The following METTL2A variants were observed in gnomAD, a reference collection of about 807,000 sequenced individuals.
The protein encoded by METTL2A is tRNA N(3)-cytidine methyltransferase METTL2A.
A neutral mutation model predicts 49.4 loss-of-function variants in METTL2A; 45 were observed. The observed-to-expected ratio is 0.91, with a 90% CI of 0.72 to 1.17. METTL2A has a LOEUF of 1.17. Among genes scored for constraint, METTL2A ranks in the 50% most tolerant of loss-of-function variants. METTL2A has a pLI of 0.00. For synonymous variants in METTL2A, 118 were observed against 167.5 expected (o/e 0.70, Z 2.28); for missense variants, 361 against 462.2 (o/e 0.78, Z 2.01).
chr17:62,439,270 G>A (rs959008031), intron 5 of METTL2A, among the ~76,000 whole-genome samples: 13 of 150,616 alleles, frequency 8.6e-5, no homozygotes, highest in African/African-American at 2.9e-4. Context: ...CATGCACCCG[G>A]CATTTTTTTA....
rs945095036 is a variant in METTL2A, at chr17:62,451,317, T to G, written c.*2588T>G. On this transcript the variant is annotated 3_prime_UTR_variant, in exon 9 of 9. Coordinates refer to ENST00000311506, the MANE Select transcript of METTL2A (RefSeq NM_181725.4). The stretch of plus-strand genomic sequence containing the variant: ...ATGTGCCACCATTCCCGGCTAATTT[T>G]TTGTATTTTTAGTAGAGACAGAGTT... Among the ~76,000 whole-genome samples, 2 of 151,690 alleles carry G rather than the reference T, an allele frequency of 1.3e-5. No individual in the cohort carries two copies. Among genetic ancestry groups the G allele is most frequent in the African/African-American group, 2.4e-5 (1 of 41,384 alleles).
intron 8 of METTL2A, 36 bp downstream of exon 8, chr17:62,447,802 C>T: frequency 1.9e-6 from 3 of 1,612,086 alleles, no homozygotes; most frequent in East Asian, 2.2e-5. Context: ...TAAAAGTCCC[C>T]AGTACCAGAT....
At position 62,448,780 on chromosome 17, in the gene METTL2A, T is replaced by G. The variant is rs1422721358; in HGVS notation, c.*51T>G. On this transcript the variant is annotated 3_prime_UTR_variant, in exon 9 of 9. Transcript: ENST00000311506. ...AAGCCCATTGTGTTTCCGGGCTTTT[T>G]TAAAAAAAAAATTGTAGCACTGGGC... 4 of 1,598,130 alleles carry G rather than the reference T, an allele frequency of 2.5e-6. No homozygotes were observed. Among genetic ancestry groups the G allele is most frequent in the Non-Finnish European group, 3.4e-6 (4 of 1,172,474 alleles).
rs1166639897 is a variant in METTL2A, at chr17:62,452,158, C to T, written c.*3429C>T. Among the ~76,000 whole-genome samples the T allele has an allele frequency of 1.3e-5, 2 of 152,152 alleles. No homozygotes were observed. The highest frequency in any genetic ancestry group is 6.5e-5 in the Admixed American group (1 of 15,278). On this transcript the variant is annotated 3_prime_UTR_variant, in exon 9 of 9. Coordinates refer to ENST00000311506, the MANE Select transcript of METTL2A (RefSeq NM_181725.4). ...TCTACGGGTTAGGCTTGCTTTTGCA[C>T]CTTTGCATTTTAAGGTAAGAGGCTA... is the stretch of plus-strand genomic sequence containing the variant.
chr17:62,433,402 C>T (rs1041882030), intron 4 of METTL2A, among the ~76,000 whole-genome samples: 11 of 151,386 alleles, frequency 7.3e-5, no homozygotes, highest in African/African-American at 2.7e-4. Context: ...TATTGCACTC[C>T]AGCGTGGGTG....
chr17:62,440,594 C>T (rs1156492168), intron 5 of METTL2A, 23 bp from the exon 6 acceptor site: 9 of 1,595,672 alleles, frequency 5.6e-6, no homozygotes, highest in African/African-American at 1.4e-5. Flanking sequence ...TCTAACTTAC[C>T]TGTGTCTTCC....
intron 5 of METTL2A, among the ~76,000 whole-genome samples, chr17:62,438,773 A>G (rs537525411): frequency 6.6e-6 from 1 of 152,124 alleles, no homozygotes; most frequent in East Asian, 1.9e-4. Flanking sequence ...GAAGAATTCT[A>G]TGGTTTGTGT....
rs977842673 is a variant in METTL2A at position 62,451,458 on chromosome 17, C to T, written c.*2729C>T. 6.8e-6 allele frequency among the ~76,000 whole-genome samples: 1 copy of T among 148,008 alleles called. No homozygotes were observed. The highest frequency in any genetic ancestry group is 1.5e-5 in the Non-Finnish European group (1 of 67,046). The stretch of plus-strand genomic sequence containing the variant: ...CCACCACGCCCGGCCAAGACCCTGA[C>T]TTTTTAAAAAATGTTAAAAATAGGC... On this transcript the variant is annotated 3_prime_UTR_variant, in exon 9 of 9. Transcript: ENST00000311506.
chr17:62,424,138 G>A (rs1184636607), intron 1 of METTL2A, 81 bp from the exon 2 acceptor site: 2 of 1,601,812 alleles, frequency 1.2e-6, no homozygotes, highest in African/African-American at 2.7e-5. Flanking sequence ...TCTCCAAGGG[G>A]AGAGAAACTC....
intron 5 of METTL2A, among the ~76,000 whole-genome samples, chr17:62,436,560 G>A (rs2070701690): frequency 6.6e-6 from 1 of 151,996 alleles, no homozygotes; most frequent in Admixed American, 6.6e-5. Context: ...AAAAAAAAGA[G>A]AGAGAAAGAA....
chr17:62,443,211 TAA>T (rs2070748184), intron 6 of METTL2A, among the ~76,000 whole-genome samples: 1 of 152,040 alleles, frequency 6.6e-6, no homozygotes, highest in African/African-American at 2.4e-5. Context: ...TTATCTCTAC[TAA>T]AAATAAAAAT....
chr17:62,428,905 T>A (rs2070646081), intron 4 of METTL2A, among the ~76,000 whole-genome samples: 2 of 152,186 alleles, frequency 1.3e-5, no homozygotes, highest in African/African-American at 4.8e-5. Context: ...CACCTCAGCC[T>A]CCCAAGTAGC....
At chr17:62,440,289 T>A (rs1384522245) in intron 5 of METTL2A, among the ~76,000 whole-genome samples, 1 of 152,156 alleles carries the variant, frequency 6.6e-6, no homozygotes, top group African/African-American at 2.4e-5. Context: ...CCTCCCAAAG[T>A]GCTGGGATTA....
At chr17:62,447,189 T>C (rs746982587) in intron 7 of METTL2A, among the ~76,000 whole-genome samples, 14 of 151,870 alleles carry the variant, frequency 9.2e-5, no homozygotes, top group Non-Finnish European at 1.2e-4. Flanking sequence ...GAGGCCACGG[T>C]GGGTGGATCA....
intron 4 of METTL2A, among the ~76,000 whole-genome samples, chr17:62,433,054 T>C (rs866442591): frequency 5.3e-5 from 8 of 152,154 alleles, no homozygotes; most frequent in South Asian, 4.1e-4. Context: ...GTGTGTGGGT[T>C]GTATGCAAAT....
At chr17:62,444,983 G>C in intron 7 of METTL2A, 40 bp downstream of exon 7, 2 of 1,602,902 alleles carry the variant, frequency 1.2e-6, no homozygotes, top group Non-Finnish European at 1.7e-6. Flanking sequence ...TAGAGATCAT[G>C]TCCTTTGCAG....
Position 62,452,150 on chromosome 17 carries a change from CTT to C in METTL2A, c.*3424_*3425del, listed in dbSNP as rs2070809848. Among the ~76,000 whole-genome samples, 1 of 152,208 alleles carries C rather than the reference CTT, an allele frequency of 6.6e-6. No homozygotes were observed. Among genetic ancestry groups the C allele is most frequent in the African/African-American group, 2.4e-5 (1 of 41,452 alleles). On this transcript the variant is annotated 3_prime_UTR_variant, in exon 9 of 9. Transcript: ENST00000311506. ...TCCTTCAGTCTACGGGTTAGGCTTG[CTT>C]TTGCACCTTTGCATTTTAAGGTAAG...
chr17:62,432,262 A>G lies in METTL2A; in HGVS notation c.609-2970A>G, dbSNP rs376795670. On this transcript the variant is annotated intron_variant, in intron 4 of 8. Transcript: ENST00000311506. ...AATAGAGAAAACCAATTATTTTGAA[A>G]TACAGTTCTATCCTCAGAGCCCAAT... Among the ~76,000 whole-genome samples, 12 of 152,356 alleles carry G rather than the reference A, an allele frequency of 7.9e-5. No individual in the cohort carries two copies. The East Asian group carries it at 9.6e-4, about 12-fold the overall frequency.
chr17:62,444,288 T>A (rs567251887), intron 6 of METTL2A, among the ~76,000 whole-genome samples: 1 of 152,304 alleles, frequency 6.6e-6, no homozygotes, highest in East Asian at 1.9e-4. Context: ...GTTTGTTTGT[T>A]TTTTGGAGAC....
Sources: gnomAD v4.1 joint callset for allele counts (sites outside exome capture counted in the v4.1 genomes callset) on GRCh38, gnomAD v4.1.1 for gene constraint, MANE v1.5 for transcripts, NCBI Gene and HGNC (gene_info 2026-07-23, HGNC 2026-07-21) for gene names.